Variants in CDH13 observed in about 807,000 individuals in gnomAD.
CDH13 encodes the protein cadherin 13, also known as cadherin-13.
In CDH13, 24 loss-of-function variants were observed where a neutral mutation model predicts 63.8. The observed-to-expected ratio is 0.38, with a 90% CI of 0.27 to 0.53. The LOEUF (loss-of-function observed/expected upper bound fraction) is 0.53, where lower values mean the gene tolerates loss of function less well. Ranked by LOEUF, CDH13 falls within the 20% of genes least tolerant of loss-of-function variation. The pLI is 0.85. For synonymous variants in CDH13, 503 were observed against 355.3 expected (o/e 1.42, Z -4.67); for missense variants, 1,049 against 903.1 (o/e 1.16, Z -2.07).
At chr16:83,463,705 TGAG>T (rs2073237794) in intron 6 of CDH13, among the ~76,000 whole-genome samples, 2 of 152,132 alleles carry the variant, frequency 1.3e-5, no homozygotes, top group Admixed American at 1.3e-4. Flanking sequence ...TGGGAGGGGC[TGAG>T]GTGGGAGGAC....
chr16:83,330,357 TTC>T (rs2090454551), intron 5 of CDH13, among the ~76,000 whole-genome samples: 1 of 152,222 alleles, frequency 6.6e-6, no homozygotes, highest in Non-Finnish European at 1.5e-5. Flanking sequence ...AGCACATAGT[TTC>T]TCTCTGTATT....
chr16:83,436,206 C>A (rs2072297427), intron 6 of CDH13, among the ~76,000 whole-genome samples: 1 of 152,158 alleles, frequency 6.6e-6, no homozygotes, highest in Non-Finnish European at 1.5e-5. Flanking sequence ...CTATAGGGAA[C>A]AATGCAACAA....
chr16:82,772,245 A>G (rs1408485800), intron 1 of CDH13, among the ~76,000 whole-genome samples: 1 of 152,162 alleles, frequency 6.6e-6, no homozygotes. Context: ...CCCTCCACCC[A>G]GAAGTGTTCA....
intron 10 of CDH13, among the ~76,000 whole-genome samples, chr16:83,699,583 A>G (rs1905900088): frequency 6.6e-6 from 1 of 152,180 alleles, no homozygotes; most frequent in Non-Finnish European, 1.5e-5. Context: ...AGCCTGTGGC[A>G]TCCCATGTCG....
At chr16:82,867,518 C>G (rs556645807) in intron 2 of CDH13, among the ~76,000 whole-genome samples, 11 of 152,156 alleles carry the variant, frequency 7.2e-5, no homozygotes, top group Non-Finnish European at 1.3e-4. Context: ...CTGTTAGTTT[C>G]TTTCACCAAG....
At chr16:82,660,806 G>A (rs1483590492) in intron 1 of CDH13, among the ~76,000 whole-genome samples, 4 of 152,060 alleles carry the variant, frequency 2.6e-5, no homozygotes, top group African/African-American at 9.7e-5. Context: ...TTATTTAGAC[G>A]TCTGCTGCTG....
chr16:83,400,203 C>T (rs1046756962), intron 6 of CDH13, among the ~76,000 whole-genome samples: 1 of 151,870 alleles, frequency 6.6e-6, no homozygotes, highest in South Asian at 2.1e-4. Flanking sequence ...TTGATGGCCA[C>T]GAAAGGGATG....
At chr16:83,358,297 C>T (rs1393010496) in intron 6 of CDH13, among the ~76,000 whole-genome samples, 1 of 152,114 alleles carries the variant, frequency 6.6e-6, no homozygotes, top group Admixed American at 6.5e-5. Flanking sequence ...CTGTATTCTC[C>T]TCCTACCACC....
intron 5 of CDH13, among the ~76,000 whole-genome samples, chr16:83,300,114 C>T (rs1387464155): frequency 2.0e-5 from 3 of 152,186 alleles, no homozygotes; most frequent in East Asian, 1.9e-4. Flanking sequence ...AAGAGATTAC[C>T]CAAGAGGGTG....
chr16:83,277,305 C>G (rs2089022718), intron 5 of CDH13, among the ~76,000 whole-genome samples: 1 of 152,150 alleles, frequency 6.6e-6, no homozygotes, highest in Non-Finnish European at 1.5e-5. Context: ...CAAAGCCTGT[C>G]TGAAGGTTGT....
intron 5 of CDH13, among the ~76,000 whole-genome samples, chr16:83,330,383 G>T (rs1334407588): frequency 3.3e-5 from 5 of 152,146 alleles, no homozygotes; most frequent in Non-Finnish European, 7.3e-5. Context: ...TCTTACAACT[G>T]CACGTGAATA....
chr16:82,845,595 T>C (rs959018747), intron 1 of CDH13, among the ~76,000 whole-genome samples: 2 of 152,172 alleles, frequency 1.3e-5, no homozygotes, highest in Non-Finnish European at 2.9e-5. Flanking sequence ...GGTTTCTTGG[T>C]GTAGACCAGA....
chr16:82,831,620 T>C (rs2038545126), intron 1 of CDH13, among the ~76,000 whole-genome samples: 1 of 152,102 alleles, frequency 6.6e-6, no homozygotes, highest in Non-Finnish European at 1.5e-5. Flanking sequence ...ACCAAATCAA[T>C]ATCCAAAAAA....
At chr16:83,389,545 C>G (rs188822377) in intron 6 of CDH13, among the ~76,000 whole-genome samples, 144 of 152,230 alleles carry the variant, frequency 9.5e-4, no homozygotes, top group Non-Finnish European at 1.6e-3. Context: ...CTCCTCAATC[C>G]CTTTATTTTA....
intron 10 of CDH13, among the ~76,000 whole-genome samples, chr16:83,728,189 C>T (rs1471071296): frequency 1.3e-5 from 2 of 152,094 alleles, no homozygotes; most frequent in African/African-American, 4.8e-5. Flanking sequence ...AGTCTATCCT[C>T]GACCACAGGG....
intron 4 of CDH13, among the ~76,000 whole-genome samples, chr16:83,191,266 A>C (rs1274940105): frequency 1.4e-5 from 2 of 145,924 alleles, no homozygotes; most frequent in African/African-American, 5.1e-5. Context: ...GTAACAAATC[A>C]CAAGTGTTAA....
chr16:82,959,131 G>T (rs772787620), intron 2 of CDH13, among the ~76,000 whole-genome samples: 8 of 152,168 alleles, frequency 5.3e-5, no homozygotes, highest in Non-Finnish European at 1.2e-4. Context: ...CACAGTTATG[G>T]CACATACACA....
chr16:83,379,938 T>TATATATATATATATATATAGAGAG, intron 6 of CDH13, among the ~76,000 whole-genome samples: 46 of 123,450 alleles, frequency 3.7e-4, no homozygotes, highest in Middle Eastern at 4.2e-3. Flanking sequence ...TATATATATA[T>TATATATATATATATATATAGAGAG]AGAGAGAGAG....
At chr16:82,892,746 A>C (rs913705977) in intron 2 of CDH13, among the ~76,000 whole-genome samples, 4 of 152,048 alleles carry the variant, frequency 2.6e-5, no homozygotes, top group African/African-American at 9.7e-5. Context: ...TTTTTTTTTC[A>C]TGTAACAATA....
Sources: allele counts gnomAD v4.1 joint callset (sites outside exome capture counted in the v4.1 genomes callset), GRCh38; gene constraint gnomAD v4.1.1; transcripts MANE v1.5; gene names NCBI Gene and HGNC (gene_info 2026-07-23, HGNC 2026-07-21).